DPP10: variants seen among roughly 807,000 people sequenced by gnomAD.
DPP10 encodes inactive dipeptidyl peptidase 10.
In DPP10, 33 loss-of-function variants were observed where a neutral mutation model predicts 120.9. That is an observed-to-expected ratio of 0.27 (90% confidence interval 0.21 to 0.37). DPP10 has a LOEUF of 0.37. DPP10 is among the 10% of genes least tolerant of loss of function. DPP10 has a pLI of 1.00. For missense variants in DPP10, 816 were observed against 942.8 expected, an observed-to-expected ratio of 0.87 and a Z score of 1.76; for synonymous variants, 337 against 326.1, an observed-to-expected ratio of 1.03 and a Z score of -0.36.
At chr2:115,671,137 A>G (rs1319911279) in intron 5 of DPP10, among the ~76,000 whole-genome samples, 1 of 152,116 alleles carries the variant, frequency 6.6e-6, no homozygotes, top group African/African-American at 2.4e-5. Context: ...TCATAAAATT[A>G]TAATTTTCAA....
intron 1 of DPP10, among the ~76,000 whole-genome samples, chr2:115,226,500 G>T (rs1043227722): frequency 5.3e-5 from 8 of 152,044 alleles, no homozygotes; most frequent in African/African-American, 1.7e-4. Context: ...TCATATTTTT[G>T]AATTTAATAT....
chr2:114,523,334 A>G (rs1035817431), intron 1 of DPP10, among the ~76,000 whole-genome samples: 8 of 152,146 alleles, frequency 5.3e-5, no homozygotes, highest in Non-Finnish European at 8.8e-5. Flanking sequence ...TTAGAGCTAG[A>G]TGGCTCGACT....
chr2:114,731,534 G>A (rs1043460594), intron 1 of DPP10, among the ~76,000 whole-genome samples: 1 of 152,106 alleles, frequency 6.6e-6, no homozygotes, highest in Non-Finnish European at 1.5e-5. Flanking sequence ...ATGCCTAAGT[G>A]TCCAACGTGT....
chr2:115,789,427 A>C (rs181150881), intron 17 of DPP10, among the ~76,000 whole-genome samples: 69 of 152,294 alleles, frequency 4.5e-4, no homozygotes, highest in African/African-American at 1.6e-3. Context: ...AATAATAATA[A>C]ATTAATAGGA....
chr2:114,784,649 T>C (rs1682617122), intron 1 of DPP10, among the ~76,000 whole-genome samples: 1 of 152,122 alleles, frequency 6.6e-6, no homozygotes, highest in Non-Finnish European at 1.5e-5. Context: ...ATAACCATAA[T>C]ATGCAGTTTG....
rs376961156 is a variant in DPP10, at chr2:115,295,825, A to G, written c.61-13414A>G. Among the ~76,000 whole-genome samples the G allele has an allele frequency of 2.6e-5, 4 of 152,108 alleles. No homozygotes were observed. In the East Asian group the frequency reaches 7.7e-4, roughly 29 times the overall value. Reference sequence around the variant, plus strand: ...GAAAAATTTTCTCCTGCACTCAAGGAATCTTTAAACTTAAAATAAAAAGTG... The same window carrying G: ...GAAAAATTTTCTCCTGCACTCAAGGGATCTTTAAACTTAAAATAAAAAGTG... On this transcript the variant is annotated intron_variant, in intron 1 of 25. Coordinates refer to ENST00000410059, the MANE Select transcript of DPP10 (RefSeq NM_020868.6).
At chr2:115,103,090 C>A (rs1218220703) in intron 1 of DPP10, among the ~76,000 whole-genome samples, 1 of 151,414 alleles carries the variant, frequency 6.6e-6, no homozygotes, top group African/African-American at 2.4e-5. Context: ...ACAGAAATAA[C>A]TTAATACATA....
At chr2:115,750,733 C>T (rs1052036083) in intron 10 of DPP10, among the ~76,000 whole-genome samples, 40 of 152,156 alleles carry the variant, frequency 2.6e-4, no homozygotes, top group African/African-American at 8.9e-4. Flanking sequence ...CATTTGTACT[C>T]GTTGGCTTTT....
intron 1 of DPP10, among the ~76,000 whole-genome samples, chr2:114,912,575 G>A (rs569004568): frequency 6.6e-6 from 1 of 152,146 alleles, no homozygotes; most frequent in African/African-American, 2.4e-5. Context: ...AAGTAGACTA[G>A]CATATTCCCA....
intron 1 of DPP10, among the ~76,000 whole-genome samples, chr2:114,917,592 A>T (rs1468276669): frequency 6.6e-6 from 1 of 152,202 alleles, no homozygotes; most frequent in African/African-American, 2.4e-5. Flanking sequence ...ACAGCATGGT[A>T]TTTGTGTAAA....
intron 1 of DPP10, among the ~76,000 whole-genome samples, chr2:114,949,912 A>G (rs1697648613): frequency 6.6e-6 from 1 of 152,184 alleles, no homozygotes; most frequent in Non-Finnish European, 1.5e-5. Context: ...ACTAGAACCC[A>G]TCAAATTCCT....
intron 3 of DPP10, among the ~76,000 whole-genome samples, chr2:115,426,270 T>G (rs1410950188): frequency 8.4e-4 from 1 of 1,196 alleles, no homozygotes; most frequent in African/African-American, 5.4e-3. Flanking sequence ...CAACATGAGA[T>G]TCTCACCAGG....
intron 5 of DPP10, among the ~76,000 whole-genome samples, chr2:115,550,983 T>C (rs958471677): frequency 6.6e-6 from 1 of 152,120 alleles, no homozygotes; most frequent in African/African-American, 2.4e-5. Context: ...TATTTAAAAA[T>C]TGGGGAATTT....
intron 3 of DPP10, among the ~76,000 whole-genome samples, chr2:115,482,017 T>A (rs2105275246): frequency 6.6e-6 from 1 of 152,140 alleles, no homozygotes; most frequent in East Asian, 1.9e-4. Flanking sequence ...TTGGAGTAGA[T>A]GAAACAAATA....
chr2:114,949,344 G>T (rs1697605302), intron 1 of DPP10, among the ~76,000 whole-genome samples: 2 of 152,032 alleles, frequency 1.3e-5, no homozygotes, highest in Non-Finnish European at 2.9e-5. Context: ...TGACCCATGG[G>T]GATTACAATT....
intron 1 of DPP10, among the ~76,000 whole-genome samples, chr2:115,252,501 T>C (rs1429455961): frequency 1.3e-5 from 2 of 152,216 alleles, no homozygotes; most frequent in African/African-American, 4.8e-5. Flanking sequence ...AACTCAGATA[T>C]ACCAATGCCT....
intron 3 of DPP10, among the ~76,000 whole-genome samples, chr2:115,499,162 A>G (rs77366174): frequency 2.0e-5 from 3 of 152,074 alleles, no homozygotes; most frequent in Non-Finnish European, 2.9e-5. Flanking sequence ...CTGGATCATC[A>G]TCAGTAATGG....
At chr2:115,780,489 A>G (rs1682618939) in intron 15 of DPP10, among the ~76,000 whole-genome samples, 1 of 151,840 alleles carries the variant, frequency 6.6e-6, no homozygotes, top group Admixed American at 6.6e-5. Context: ...TTCAATTAGT[A>G]TGTATTAAAC....
intron 1 of DPP10, among the ~76,000 whole-genome samples, chr2:114,520,695 T>G (rs1054342620): frequency 2.6e-5 from 4 of 152,214 alleles, no homozygotes; most frequent in African/African-American, 7.2e-5. Flanking sequence ...AAAGCTAGTC[T>G]AATCTTCTCT....
Sources: gnomAD v4.1 joint callset for allele counts (sites outside exome capture counted in the v4.1 genomes callset) on GRCh38, gnomAD v4.1.1 for gene constraint, MANE v1.5 for transcripts, NCBI Gene and HGNC (gene_info 2026-07-23, HGNC 2026-07-21) for gene names.